The following BCAS4 variants were observed in gnomAD, a reference collection of about 807,000 sequenced individuals.
BCAS4 encodes the protein breast carcinoma-amplified sequence 4.
BCAS4 carries 9 observed loss-of-function variants against 15.7 expected under a neutral mutation model. The observed-to-expected ratio is 0.57, with a 90% CI of 0.34 to 1.00. The LOEUF is 1.00. Among genes scored for constraint, BCAS4 ranks in the 50% least tolerant of loss-of-function variants. BCAS4 has a pLI of 0.02. For missense variants in BCAS4, 225 were observed against 239.1 expected, an observed-to-expected ratio of 0.94 and a Z score of 0.39; for synonymous variants, 101 against 99.5, an observed-to-expected ratio of 1.02 and a Z score of -0.09.
chr20:50,867,443 C>T (rs1483231956), intron 4 of BCAS4, among the ~76,000 whole-genome samples: 2 of 152,100 alleles, frequency 1.3e-5, no homozygotes, highest in African/African-American at 4.8e-5. Context: ...ACCTCCAGAG[C>T]TCAAGCAATC....
At chr20:50,847,224 T>C (rs2088556695) in intron 4 of BCAS4, among the ~76,000 whole-genome samples, 1 of 152,088 alleles carries the variant, frequency 6.6e-6, no homozygotes, top group Non-Finnish European at 1.5e-5. Flanking sequence ...GTAGCTGGGA[T>C]TACAGGCGCG....
chr20:50,823,113 G>C (rs1334888991), intron 2 of BCAS4, among the ~76,000 whole-genome samples: 2 of 151,826 alleles, frequency 1.3e-5, no homozygotes, highest in Non-Finnish European at 2.9e-5. Flanking sequence ...GCCGAGGCGG[G>C]TGGATCACCT....
intron 4 of BCAS4, among the ~76,000 whole-genome samples, chr20:50,844,963 A>G (rs1353188391): frequency 1.3e-5 from 2 of 151,932 alleles, no homozygotes; most frequent in East Asian, 3.9e-4. Context: ...GGTGCAGCCT[A>G]GTGTGTGCGT....
intron 4 of BCAS4, among the ~76,000 whole-genome samples, chr20:50,869,091 G>A (rs192259488): frequency 5.9e-5 from 9 of 152,346 alleles, no homozygotes; most frequent in East Asian, 3.9e-4. Context: ...CGTTATCCCC[G>A]TTTTGTAGAG....
chr20:50,855,243 C>T (rs1289432368), intron 4 of BCAS4, among the ~76,000 whole-genome samples: 1 of 152,164 alleles, frequency 6.6e-6, no homozygotes, highest in Non-Finnish European at 1.5e-5. Flanking sequence ...ATTCTGTTTC[C>T]TGCTGTCTCT....
At chr20:50,866,741 G>A (rs898605826) in intron 4 of BCAS4, among the ~76,000 whole-genome samples, 1 of 152,192 alleles carries the variant, frequency 6.6e-6, no homozygotes, top group Non-Finnish European at 1.5e-5. Flanking sequence ...GTGCCTGTGT[G>A]CTGGGACAGT....
At chr20:50,809,767 G>A (rs1196891815) in intron 1 of BCAS4, among the ~76,000 whole-genome samples, 2 of 152,062 alleles carry the variant, frequency 1.3e-5, no homozygotes, top group African/African-American at 2.4e-5. Context: ...TGTTTGTGTC[G>A]TCAGTGGTTT....
At chr20:50,799,587 C>T (rs557121352) in intron 1 of BCAS4, among the ~76,000 whole-genome samples, 1 of 152,326 alleles carries the variant, frequency 6.6e-6, no homozygotes, top group Non-Finnish European at 1.5e-5. Flanking sequence ...CATGGAGCAG[C>T]AGAAATCTCA....
intron 4 of BCAS4, among the ~76,000 whole-genome samples, chr20:50,872,447 T>C (rs1979698708): frequency 6.8e-6 from 1 of 147,140 alleles, no homozygotes; most frequent in Admixed American, 6.8e-5. Context: ...GGCGGGTGCC[T>C]GTAGTCTCAG....
chr20:50,796,056 C>G (rs1350267402), intron 1 of BCAS4, among the ~76,000 whole-genome samples: 1 of 151,532 alleles, frequency 6.6e-6, no homozygotes, highest in Non-Finnish European at 1.5e-5. Context: ...CCACTGCACT[C>G]CAGCCTGGGC....
chr20:50,810,172 T>C (rs1359344709), intron 1 of BCAS4, among the ~76,000 whole-genome samples: 1 of 151,470 alleles, frequency 6.6e-6, no homozygotes, highest in Non-Finnish European at 1.5e-5. Flanking sequence ...TTGAATCTAG[T>C]TGCCCTGTGA....
intron 2 of BCAS4, among the ~76,000 whole-genome samples, chr20:50,822,207 A>G (rs1335192885): frequency 2.6e-5 from 4 of 152,122 alleles, no homozygotes; most frequent in African/African-American, 9.7e-5. Context: ...GCTTCCTCGT[A>G]GCATGGCTGT....
intron 1 of BCAS4, among the ~76,000 whole-genome samples, chr20:50,804,772 T>A (rs1353615994): frequency 6.6e-6 from 1 of 152,170 alleles, no homozygotes; most frequent in Non-Finnish European, 1.5e-5. Context: ...AACTTCAAGA[T>A]CAAGCATCCT....
intron 1 of BCAS4, among the ~76,000 whole-genome samples, chr20:50,800,739 T>C (rs943818339): frequency 6.6e-6 from 1 of 151,902 alleles, no homozygotes; most frequent in Non-Finnish European, 1.5e-5. Context: ...TTTTTGTAGT[T>C]TTAGTAGAGA....
Position 50,872,263 on chromosome 20 carries a change from C to CAAA in BCAS4, c.400-4204_400-4202dup, listed in dbSNP as rs71192504. On this transcript the variant is annotated intron_variant, in intron 4 of 4. Coordinates refer to ENST00000371608, the MANE Select transcript of BCAS4 (RefSeq NM_198799.4). ...TGGGCAACAGAGCGAGACTCTGTCTCAAAAAAAAAAAAAAAAAAAAAGAGG... is the reference window on the plus strand; with the variant it reads ...TGGGCAACAGAGCGAGACTCTGTCTCAAAAAAAAAAAAAAAAAAAAAAAAGAGG... 9.2e-3 allele frequency among the ~76,000 whole-genome samples: 574 copies of CAAA among 62,644 alleles called. 25 individuals are homozygous for CAAA. Among genetic ancestry groups the CAAA allele is most frequent in the African/African-American group, 0.035 (425 of 12,078 alleles). 41.1% of individuals were successfully genotyped at this position (62,644 alleles called of 152,430 possible).
At chr20:50,810,664 C>T (rs1167307440) in intron 1 of BCAS4, among the ~76,000 whole-genome samples, 1 of 150,074 alleles carries the variant, frequency 6.7e-6, no homozygotes, top group African/African-American at 2.5e-5. Context: ...GATCTCGGCT[C>T]ACTGCAAGCT....
At chr20:50,798,626 G>C (rs982982176) in intron 1 of BCAS4, among the ~76,000 whole-genome samples, 4 of 152,200 alleles carry the variant, frequency 2.6e-5, no homozygotes, top group Admixed American at 2.6e-4. Flanking sequence ...TCAAAATCAG[G>C]CTTTTGATAC....
chr20:50,810,736 G>A (rs1225607894), intron 1 of BCAS4, among the ~76,000 whole-genome samples: 1 of 151,834 alleles, frequency 6.6e-6, no homozygotes, highest in African/African-American at 2.4e-5. Context: ...GACTACAGCC[G>A]CCCGCAACAA....
At chr20:50,842,286 C>G (rs948640918) in intron 4 of BCAS4, among the ~76,000 whole-genome samples, 1 of 152,214 alleles carries the variant, frequency 6.6e-6, no homozygotes, top group South Asian at 2.1e-4. Context: ...GCCCAACAAG[C>G]CGGGGAAGGG....
Sources: allele counts gnomAD v4.1 joint callset (sites outside exome capture counted in the v4.1 genomes callset), GRCh38; gene constraint gnomAD v4.1.1; transcripts MANE v1.5; gene names NCBI Gene and HGNC (gene_info 2026-07-23, HGNC 2026-07-21).